Variants in PYHIN1 observed in about 807,000 individuals in gnomAD.
PYHIN1 encodes pyrin and HIN domain-containing protein 1.
PYHIN1 carries 32 observed loss-of-function variants against 43.7 expected under a neutral mutation model. The observed-to-expected ratio is 0.73, with a 90% confidence interval of 0.55 to 0.98. The LOEUF (loss-of-function observed/expected upper bound fraction) is 0.98. PYHIN1 is among the 50% of genes least tolerant of loss of function. The probability of loss-of-function intolerance (pLI) is 0.00; values close to 1 mark genes in which losing one functional copy is unlikely to be tolerated. For synonymous variants in PYHIN1, 205 were observed against 203.1 expected, an observed-to-expected ratio of 1.01 and a Z score of -0.08; for missense variants, 588 against 589.5, an observed-to-expected ratio of 1.00 and a Z score of 0.03.
At chr1:158,962,850 TG>T (rs1650405237) in intron 7 of PYHIN1, among the ~76,000 whole-genome samples, 1 of 152,162 alleles carries the variant, frequency 6.6e-6, no homozygotes, top group African/African-American at 2.4e-5. Flanking sequence ...TGTGTTTCCC[TG>T]GGGAGGGGGT....
At chr1:158,939,276 C>G in intron 4 of PYHIN1, 29 bp downstream of exon 4, 1 of 1,581,580 alleles carries the variant, frequency 6.3e-7, no homozygotes, top group South Asian at 1.2e-5. Flanking sequence ...CCTTTTGATT[C>G]ATTTTCTTCA....
At chr1:158,968,199 A>C (rs1650736036) in intron 7 of PYHIN1, among the ~76,000 whole-genome samples, 1 of 152,020 alleles carries the variant, frequency 6.6e-6, no homozygotes, top group Non-Finnish European at 1.5e-5. Flanking sequence ...CTTTGCATCC[A>C]ACAAAGATCT....
chr1:158,952,505 A>G (rs1478561521), intron 7 of PYHIN1, among the ~76,000 whole-genome samples: 3 of 151,954 alleles, frequency 2.0e-5, no homozygotes, highest in Non-Finnish European at 2.9e-5. Context: ...TTTTTTTCCC[A>G]TCTATTGGAG....
intron 2 of PYHIN1, among the ~76,000 whole-genome samples, chr1:158,937,805 G>T (rs1648647434): frequency 6.6e-6 from 1 of 152,074 alleles, no homozygotes; most frequent in South Asian, 2.1e-4. Flanking sequence ...AATTAGCCAG[G>T]CGTGGTGGCA....
At chr1:158,938,933 GC>G in intron 3 of PYHIN1, 146 bp from the exon 4 acceptor site, 1 of 540,140 alleles carries the variant, frequency 1.9e-6, no homozygotes, top group Non-Finnish European at 3.1e-6. Context: ...AACCATCTAT[GC>G]CATGTTCTTT....
chr1:158,951,932 A>T (rs902435739), intron 7 of PYHIN1, among the ~76,000 whole-genome samples: 6 of 152,124 alleles, frequency 3.9e-5, no homozygotes, highest in Non-Finnish European at 8.8e-5. Context: ...GAAGTTTTTT[A>T]AATTTTAAAT....
chr1:158,972,831 C>T (rs994706150), intron 7 of PYHIN1, among the ~76,000 whole-genome samples: 1 of 152,040 alleles, frequency 6.6e-6, no homozygotes, highest in African/African-American at 2.4e-5. Flanking sequence ...TTCACATGTC[C>T]ATTTATTTCC....
At chr1:158,932,324 T>A (rs1648213206) in intron 1 of PYHIN1, among the ~76,000 whole-genome samples, 1 of 152,062 alleles carries the variant, frequency 6.6e-6, no homozygotes, top group South Asian at 2.1e-4. Flanking sequence ...GTGGGAGCAG[T>A]ATGTGGGTTG....
chr1:158,989,745 T>C, the PYHIN1 span, among the ~76,000 whole-genome samples: 3 of 152,168 alleles, frequency 2.0e-5, no homozygotes, highest in African/African-American at 7.2e-5. Flanking sequence ...CATGAAACAA[T>C]AAATTTCTGT....
chr1:158,964,037 G>C (rs1650479616), intron 7 of PYHIN1, among the ~76,000 whole-genome samples: 1 of 151,970 alleles, frequency 6.6e-6, no homozygotes, highest in Non-Finnish European at 1.5e-5. Flanking sequence ...TCATAAAAAA[G>C]AACCAAACTG....
intron 7 of PYHIN1, among the ~76,000 whole-genome samples, chr1:158,966,890 G>A (rs1228838340): frequency 6.6e-6 from 1 of 151,994 alleles, no homozygotes; most frequent in Non-Finnish European, 1.5e-5. Flanking sequence ...AGAAATAAAA[G>A]GCATCCAAGT....
intron 7 of PYHIN1, among the ~76,000 whole-genome samples, chr1:158,952,803 C>A (rs369101268): frequency 6.6e-6 from 1 of 152,186 alleles, no homozygotes; most frequent in Non-Finnish European, 1.5e-5. Context: ...GCGTAAGCGA[C>A]GCAGAAGATG....
In PYHIN1 at chr1:158,939,174, C is replaced by A; in HGVS notation, c.506C>A (p.Thr169Lys). ...TRPSCSAGAS[T>K]STAMGRSPPP... ...CCTTCCTGCTCTGCAGGAGCCAGCACGTCCACAGCCATGGGCCGTTCCCCA... is the reference window on the plus strand; with the variant it reads ...CCTTCCTGCTCTGCAGGAGCCAGCAAGTCCACAGCCATGGGCCGTTCCCCA... Residue 169 changes from threonine to lysine, a missense_variant, in exon 4 of 9, where the codon ACG becomes AAG. Coordinates refer to ENST00000368140, the MANE Select transcript of PYHIN1 (RefSeq NM_152501.5). The A allele has an allele frequency of 1.2e-6, 2 of 1,613,976 alleles. No homozygotes were observed. Among genetic ancestry groups the A allele is most frequent in the Non-Finnish European group, 1.7e-6 (2 of 1,179,952 alleles).
chr1:158,975,055 C>T (rs1260849285), intron 8 of PYHIN1, among the ~76,000 whole-genome samples: 1 of 151,964 alleles, frequency 6.6e-6, no homozygotes, highest in African/African-American at 2.4e-5. Context: ...CCTCCCTTAG[C>T]CCAGGAATCT....
chr1:158,964,806 A>G lies in PYHIN1; in HGVS notation c.1360-8841A>G, dbSNP rs138193620. Among the ~76,000 whole-genome samples the G allele has an allele frequency of 1.1e-3, 166 of 152,334 alleles. 1 individual carries two copies. The highest frequency in any genetic ancestry group is 3.9e-3 in the African/African-American group (161 of 41,580). ...ACACAATTAAGTACACAGAATAGTGACACTATGAAGCAACCACAGAAACAA... is the reference window on the plus strand; with the variant it reads ...ACACAATTAAGTACACAGAATAGTGGCACTATGAAGCAACCACAGAAACAA... On this transcript the variant is annotated intron_variant, in intron 7 of 8. Coordinates refer to ENST00000368140, the MANE Select transcript of PYHIN1 (RefSeq NM_152501.5).
chr1:158,936,505 AG>A (rs1648550891), intron 1 of PYHIN1, among the ~76,000 whole-genome samples: 1 of 152,140 alleles, frequency 6.6e-6, no homozygotes, highest in African/African-American at 2.4e-5. Flanking sequence ...ACCATGATCA[AG>A]TGGGCTTCAT....
At chr1:158,954,764 A>G (rs1213966396) in intron 7 of PYHIN1, among the ~76,000 whole-genome samples, 1 of 151,328 alleles carries the variant, frequency 6.6e-6, no homozygotes, top group Non-Finnish European at 1.5e-5. Context: ...TTAACTTTAA[A>G]TGTAAATGGA....
intron 3 of PYHIN1, among the ~76,000 whole-genome samples, 175 bp downstream of exon 3, chr1:158,938,717 T>C (rs1471005928): frequency 6.6e-6 from 1 of 152,226 alleles, no homozygotes; most frequent in Admixed American, 6.5e-5. Context: ...AGTTAAACGC[T>C]TTAGTAAACA....
rs533034967 is a variant in PYHIN1, at chr1:158,937,875, G to A, written c.266-522G>A. 5.3e-5 allele frequency among the ~76,000 whole-genome samples: 8 copies of A among 151,922 alleles called. No individual in the cohort carries two copies. The South Asian group carries it at 1.7e-3, about 32-fold the overall frequency. On this transcript the variant is annotated intron_variant, in intron 2 of 8. Coordinates refer to ENST00000368140, the MANE Select transcript of PYHIN1 (RefSeq NM_152501.5). ...CAGGAGAATGGCGTGAACCCGAGAG[G>A]CGGAGCTGGCAGTGAGCCGAGATCG...
Sources: gnomAD v4.1 joint callset for allele counts (sites outside exome capture counted in the v4.1 genomes callset) on GRCh38, gnomAD v4.1.1 for gene constraint, MANE v1.5 for transcripts, NCBI Gene and HGNC (gene_info 2026-07-23, HGNC 2026-07-21) for gene names.